EPHA6: variants seen among roughly 807,000 people sequenced by gnomAD.
The protein encoded by EPHA6 is ephrin type-A receptor 6.
EPHA6 carries 50 observed loss-of-function variants against 112.0 expected under a neutral mutation model. The ratio of observed to expected loss-of-function variants is 0.45; its 90% CI spans 0.36 to 0.56. The LOEUF is 0.56. Among genes scored for constraint, EPHA6 ranks in the 20% least tolerant of loss-of-function variants. The pLI is 0.00. For synonymous variants in EPHA6, 529 were observed against 490.7 expected (o/e 1.08, Z -1.03); for missense variants, 1,280 against 1,417.4 (o/e 0.90, Z 1.56).
intron 5 of EPHA6, among the ~76,000 whole-genome samples, chr3:97,265,449 C>G (rs755505598): frequency 6.6e-6 from 1 of 152,194 alleles, no homozygotes; most frequent in Non-Finnish European, 1.5e-5. Flanking sequence ...GCTGGTGTGT[C>G]AGCACTGCCC....
At chr3:97,695,084 G>A (rs2032944518) in intron 14 of EPHA6, among the ~76,000 whole-genome samples, 1 of 152,126 alleles carries the variant, frequency 6.6e-6, no homozygotes. Context: ...AGGTACATGT[G>A]ATGATGAATT....
At chr3:97,199,597 T>C (rs1410280822) in intron 3 of EPHA6, among the ~76,000 whole-genome samples, 1 of 152,170 alleles carries the variant, frequency 6.6e-6, no homozygotes, top group Admixed American at 6.5e-5. Context: ...ATCTGTATTC[T>C]AGTCCTGGCT....
chr3:97,477,553 A>G (rs1238404304), intron 8 of EPHA6, among the ~76,000 whole-genome samples: 1 of 151,982 alleles, frequency 6.6e-6, no homozygotes, highest in Non-Finnish European at 1.5e-5. Flanking sequence ...CAAGTTTAAA[A>G]AAGAAAGGAA....
At chr3:97,673,094 T>TTC (rs2031013152) in intron 14 of EPHA6, among the ~76,000 whole-genome samples, 1 of 152,182 alleles carries the variant, frequency 6.6e-6, no homozygotes, top group South Asian at 2.1e-4. Flanking sequence ...CTGTAGAGAA[T>TTC]TCTCTTTTTA....
chr3:97,705,767 A>G (rs994344006), intron 14 of EPHA6, among the ~76,000 whole-genome samples: 14 of 152,250 alleles, frequency 9.2e-5, no homozygotes, highest in Non-Finnish European at 1.3e-4. Flanking sequence ...ACCTTTTAAA[A>G]GACCTCACTC....
At chr3:96,959,000 G>A (rs1559623589) in intron 2 of EPHA6, among the ~76,000 whole-genome samples, 1 of 152,306 alleles carries the variant, frequency 6.6e-6, no homozygotes, top group Non-Finnish European at 1.5e-5. Context: ...TAAAGCGTAT[G>A]TTTTAAATTC....
At chr3:97,647,081 C>T (rs970274001) in intron 14 of EPHA6, among the ~76,000 whole-genome samples, 1 of 152,134 alleles carries the variant, frequency 6.6e-6, no homozygotes, top group Non-Finnish European at 1.5e-5. Flanking sequence ...CTAGGAGGGA[C>T]AGGTTTCAGG....
In EPHA6 at chr3:96,872,774, T is replaced by A. The variant is rs201839642; in HGVS notation, c.450+5885T>A. Among the ~76,000 whole-genome samples the A allele has an allele frequency of 2.6e-5, 4 of 152,084 alleles. No individual in the cohort carries two copies. In the East Asian group the frequency reaches 7.7e-4, roughly 29 times the overall value. Reference sequence around the variant, plus strand: ...TTTCAAGGTTCTTTATATTTGCTTTTTTTTTAAATTTGATGTGAAAATATT... The same window carrying A: ...TTTCAAGGTTCTTTATATTTGCTTTATTTTTAAATTTGATGTGAAAATATT... On this transcript the variant is annotated intron_variant, in intron 2 of 17. Coordinates refer to ENST00000389672, the MANE Select transcript of EPHA6 (RefSeq NM_001080448.3).
At chr3:97,010,337 T>C (rs1403759337) in intron 3 of EPHA6, among the ~76,000 whole-genome samples, 2 of 152,206 alleles carry the variant, frequency 1.3e-5, no homozygotes, top group Non-Finnish European at 2.9e-5. Context: ...AGCCAAGTTA[T>C]TCATTTACAT....
intron 10 of EPHA6, among the ~76,000 whole-genome samples, chr3:97,486,785 G>T (rs1019235836): frequency 6.6e-6 from 1 of 152,182 alleles, no homozygotes; most frequent in African/African-American, 2.4e-5. Flanking sequence ...TTTTGTGACT[G>T]TGTGAAGTGT....
At chr3:97,480,554 G>A (rs569843547) in intron 9 of EPHA6, among the ~76,000 whole-genome samples, 1 of 152,226 alleles carries the variant, frequency 6.6e-6, no homozygotes, top group South Asian at 2.1e-4. Context: ...TGGGGGTAAG[G>A]TTATAGATTA....
chr3:97,637,517 A>G (rs2093958463), intron 13 of EPHA6, among the ~76,000 whole-genome samples: 1 of 152,042 alleles, frequency 6.6e-6, no homozygotes, highest in African/African-American at 2.4e-5. Context: ...CAGCTATGGA[A>G]AGTGGATTCT....
At chr3:97,209,541 T>C (rs1333074755) in intron 3 of EPHA6, among the ~76,000 whole-genome samples, 2 of 152,204 alleles carry the variant, frequency 1.3e-5, no homozygotes, top group African/African-American at 4.8e-5. Context: ...CAATTTGTAC[T>C]GGATGAAAAT....
Position 97,760,692 on chromosome 3 carries a change from T to G in EPHA6, c.*11991T>G, listed in dbSNP as rs2036141219. On this transcript the variant is annotated 3_prime_UTR_variant, in exon 18 of 18. Coordinates refer to ENST00000389672, the MANE Select transcript of EPHA6 (RefSeq NM_001080448.3). ...AATCTTTGTAGCACAAATCCTGAAG[T>G]ATATGCAAACTAAATAGCATATTTA... 1 of 181,798 alleles carries G rather than the reference T, an allele frequency of 5.5e-6. No homozygotes were observed. Among genetic ancestry groups the G allele is most frequent in the South Asian group, 2.0e-4 (1 of 5,092 alleles). The allele number at this position is 181,798 out of a possible 1,614,324, so 11.3% of individuals were successfully genotyped here.
intron 3 of EPHA6, among the ~76,000 whole-genome samples, chr3:97,046,050 C>G (rs1475791550): frequency 1.3e-5 from 2 of 152,026 alleles, no homozygotes; most frequent in Non-Finnish European, 2.9e-5. Context: ...GCAAATTCCT[C>G]TATTGATTAG....
At chr3:97,438,441 T>G (rs2107265525) in intron 6 of EPHA6, among the ~76,000 whole-genome samples, 1 of 152,310 alleles carries the variant, frequency 6.6e-6, no homozygotes, top group African/African-American at 2.4e-5. Context: ...GCAAAAGTAA[T>G]TTTTCTCATC....
chr3:97,262,076 A>G (rs1206275324), intron 5 of EPHA6, among the ~76,000 whole-genome samples: 2 of 152,166 alleles, frequency 1.3e-5, no homozygotes, highest in Admixed American at 1.3e-4. Context: ...AGCCAGAAAC[A>G]TACTTTCATC....
chr3:97,076,919 G>GA (rs1436494496), intron 3 of EPHA6, among the ~76,000 whole-genome samples: 10 of 152,142 alleles, frequency 6.6e-5, no homozygotes, highest in African/African-American at 2.2e-4. Context: ...CTACAGCCCA[G>GA]AAAAAATGAT....
intron 2 of EPHA6, among the ~76,000 whole-genome samples, chr3:96,892,286 T>A (rs2038008492): frequency 6.6e-6 from 1 of 151,562 alleles, no homozygotes; most frequent in Non-Finnish European, 1.5e-5. Context: ...AGTGGTGTGA[T>A]CTCGGCTCAC....
Sources: allele counts gnomAD v4.1 joint callset (sites outside exome capture counted in the v4.1 genomes callset), GRCh38; gene constraint gnomAD v4.1.1; transcripts MANE v1.5; gene names NCBI Gene and HGNC (gene_info 2026-07-23, HGNC 2026-07-21).